Variants in PPM1E observed in about 807,000 individuals in gnomAD.
PPM1E encodes protein phosphatase, Mg2+/Mn2+ dependent 1E, also known as protein phosphatase 1E.
In PPM1E, 20 loss-of-function variants were observed where a neutral mutation model predicts 65.9. The ratio of observed to expected loss-of-function variants is 0.30; its 90% confidence interval spans 0.21 to 0.44. PPM1E has a LOEUF of 0.44. Ranked by LOEUF, PPM1E falls within the 20% of genes least tolerant of loss-of-function variation. The probability of loss-of-function intolerance (pLI) is 1.00; values close to 1 mark genes in which losing one functional copy is unlikely to be tolerated. For missense variants in PPM1E, 713 were observed against 953.1 expected, an observed-to-expected ratio of 0.75 and a Z score of 3.32; for synonymous variants, 352 against 374.9, an observed-to-expected ratio of 0.94 and a Z score of 0.70.
intron 1 of PPM1E, among the ~76,000 whole-genome samples, chr17:58,837,543 A>G (rs2050675800): frequency 6.7e-6 from 1 of 149,580 alleles, no homozygotes; most frequent in African/African-American, 2.5e-5. Context: ...AGTCACCTAG[A>G]CTAGAGTGCA....
chr17:58,917,103 G>A (rs981794070), intron 1 of PPM1E, among the ~76,000 whole-genome samples: 14 of 151,670 alleles, frequency 9.2e-5, no homozygotes, highest in Non-Finnish European at 1.8e-4. Context: ...CCAACTACTC[G>A]GGAGGCTGAG....
At chr17:58,955,618 T>G in intron 1 of PPM1E, 31 bp from the exon 2 acceptor site, 1 of 1,610,378 alleles carries the variant, frequency 6.2e-7, no homozygotes, top group Non-Finnish European at 8.5e-7. Context: ...ATTCTTTTGC[T>G]GAAAATGGCC....
chr17:58,822,932 C>T (rs1394865311), intron 1 of PPM1E, among the ~76,000 whole-genome samples: 1 of 152,152 alleles, frequency 6.6e-6, no homozygotes, highest in African/African-American at 2.4e-5. Context: ...TTGCGCCATT[C>T]TCTCCTCTTT....
At chr17:58,815,770 A>G (rs1299510856) in intron 1 of PPM1E, among the ~76,000 whole-genome samples, 1 of 152,242 alleles carries the variant, frequency 6.6e-6, no homozygotes, top group South Asian at 2.1e-4. Context: ...TTGTGAGAAG[A>G]TTATGATGTT....
chr17:58,960,870 TA>T (rs1164038373), intron 2 of PPM1E, among the ~76,000 whole-genome samples: 3 of 152,030 alleles, frequency 2.0e-5, no homozygotes, highest in Non-Finnish European at 2.9e-5. Context: ...AAGGACTTAT[TA>T]AAACTCTATT....
chr17:58,925,364 G>A (rs1471339555), intron 1 of PPM1E, among the ~76,000 whole-genome samples: 2 of 151,762 alleles, frequency 1.3e-5, no homozygotes, highest in Non-Finnish European at 2.9e-5. Context: ...TTTTTTGGCC[G>A]CATAAATGTC....
chr17:58,803,277 T>G (rs2050275653), intron 1 of PPM1E, among the ~76,000 whole-genome samples: 1 of 152,212 alleles, frequency 6.6e-6, no homozygotes, highest in East Asian at 1.9e-4. Context: ...TGAAAGTTTT[T>G]TATCAAAAAA....
At chr17:58,815,669 G>A (rs774357039) in intron 1 of PPM1E, among the ~76,000 whole-genome samples, 1 of 152,138 alleles carries the variant, frequency 6.6e-6, no homozygotes, top group Non-Finnish European at 1.5e-5. Context: ...TGTCGATTAT[G>A]TACTAGAGCT....
chr17:58,938,904 T>G (rs1267098174), intron 1 of PPM1E, among the ~76,000 whole-genome samples: 1 of 150,248 alleles, frequency 6.7e-6, no homozygotes, highest in Non-Finnish European at 1.5e-5. Context: ...TTCTTCTGCC[T>G]CAGCCGCCAG....
chr17:58,891,171 G>T (rs4458062), intron 1 of PPM1E, among the ~76,000 whole-genome samples: 27,865 of 151,842 alleles, frequency 0.18, 2,693 homozygotes, highest in Non-Finnish European at 0.21. Context: ...TCTCCATGTT[G>T]GTCAGGGTGG....
At chr17:58,858,014 G>T (rs559773745) in intron 1 of PPM1E, among the ~76,000 whole-genome samples, 7 of 152,036 alleles carry the variant, frequency 4.6e-5, no homozygotes, top group African/African-American at 1.7e-4. Context: ...AAAGAATTAA[G>T]AATGTTTTGG....
chr17:58,976,620 GA>G (rs2031011346), intron 6 of PPM1E, among the ~76,000 whole-genome samples: 1 of 152,224 alleles, frequency 6.6e-6, no homozygotes, highest in African/African-American at 2.4e-5. Flanking sequence ...AACATATGGA[GA>G]GAAGAGGTTG....
At chr17:58,894,305 T>C (rs1442436017) in intron 1 of PPM1E, among the ~76,000 whole-genome samples, 1 of 152,164 alleles carries the variant, frequency 6.6e-6, no homozygotes, top group Non-Finnish European at 1.5e-5. Flanking sequence ...ATGAAGTCTA[T>C]TTTTTAAAAA....
intron 4 of PPM1E, among the ~76,000 whole-genome samples, chr17:58,970,076 G>A (rs963503807): frequency 1.3e-5 from 2 of 152,116 alleles, no homozygotes; most frequent in African/African-American, 4.8e-5. Flanking sequence ...GACAAGATCT[G>A]GATATGGTGA....
intron 1 of PPM1E, among the ~76,000 whole-genome samples, chr17:58,832,855 C>T (rs1452657239): frequency 2.0e-5 from 3 of 152,122 alleles, no homozygotes; most frequent in Non-Finnish European, 2.9e-5. Context: ...CGCTCTGTTA[C>T]CAGGCTGGAG....
intron 1 of PPM1E, among the ~76,000 whole-genome samples, chr17:58,886,055 T>C (rs2051262313): frequency 6.6e-6 from 1 of 152,172 alleles, no homozygotes; most frequent in Non-Finnish European, 1.5e-5. Flanking sequence ...GATTATAGCT[T>C]CCTCCACTAT....
At chr17:58,843,517 AAAAT>A (rs1448042875) in intron 1 of PPM1E, among the ~76,000 whole-genome samples, 1 of 151,468 alleles carries the variant, frequency 6.6e-6, no homozygotes, top group Non-Finnish European at 1.5e-5. Context: ...CTGTCTAAAA[AAAAT>A]AAAAATAAAA....
chr17:58,883,139 G>T (rs900523536), intron 1 of PPM1E, among the ~76,000 whole-genome samples: 2 of 151,240 alleles, frequency 1.3e-5, no homozygotes, highest in African/African-American at 4.9e-5. Context: ...TGTGTTTTTA[G>T]TTGAGACGGA....
Position 58,783,833 on chromosome 17 carries a change from G to T in PPM1E, c.464+27372G>T, listed in dbSNP as rs547317677. Among the ~76,000 whole-genome samples, 3 of 151,864 alleles carry T rather than the reference G, an allele frequency of 2.0e-5. No individual in the cohort carries two copies. In the East Asian group the frequency reaches 5.8e-4, roughly 29 times the overall value. On this transcript the variant is annotated intron_variant, in intron 1 of 6. Transcript: ENST00000308249. ...AGCGATTCTCTTGCATCAGCCTCCC[G>T]AGTAGCTGGGATTACAGGTGACCAC...
Sources: allele counts gnomAD v4.1 joint callset (sites outside exome capture counted in the v4.1 genomes callset), GRCh38; gene constraint gnomAD v4.1.1; transcripts MANE v1.5; gene names NCBI Gene and HGNC (gene_info 2026-07-23, HGNC 2026-07-21).